Variants in SAMMSON observed in about 807,000 individuals in gnomAD.
SAMMSON encodes long intergenic non-protein coding RNA 1212.
chr3:70,079,518 C>G (rs2106640279), intron 4 of SAMMSON, among the ~76,000 whole-genome samples: 2 of 152,252 alleles, frequency 1.3e-5, no homozygotes, highest in East Asian at 3.9e-4. Context: ...AGTACCCATA[C>G]AACTGTTCTG....
At chr3:70,218,703 A>G (rs1375261479) in intron 4 of SAMMSON, among the ~76,000 whole-genome samples, 1 of 152,116 alleles carries the variant, frequency 6.6e-6, no homozygotes, top group Non-Finnish European at 1.5e-5. Flanking sequence ...ATGCATATTT[A>G]TGTCACTTAA....
At chr3:70,160,489 T>C (rs1334048499) in intron 4 of SAMMSON, among the ~76,000 whole-genome samples, 3 of 151,986 alleles carry the variant, frequency 2.0e-5, no homozygotes, top group Admixed American at 6.6e-5. Context: ...TGAATATCAA[T>C]TGACAATCGA....
chr3:70,239,379 A>G (rs998313982), intron 4 of SAMMSON, among the ~76,000 whole-genome samples: 1 of 152,146 alleles, frequency 6.6e-6, no homozygotes, highest in African/African-American at 2.4e-5. Context: ...TGAGTTCTCA[A>G]CGCTTCTCCA....
chr3:70,006,609 T>C (rs1175816742), intron 1 of SAMMSON, among the ~76,000 whole-genome samples: 3 of 152,184 alleles, frequency 2.0e-5, no homozygotes, highest in Admixed American at 2.0e-4. Flanking sequence ...TCAGGAGCAA[T>C]GCTCCTTGGA....
At chr3:70,328,091 C>T (rs1160002998) in intron 7 of SAMMSON, among the ~76,000 whole-genome samples, 1 of 152,122 alleles carries the variant, frequency 6.6e-6, no homozygotes, top group Non-Finnish European at 1.5e-5. Context: ...AGGGAAACTC[C>T]CCTTTATAAA....
chr3:70,246,983 G>A (rs1701713122), intron 4 of SAMMSON, among the ~76,000 whole-genome samples: 1 of 151,858 alleles, frequency 6.6e-6, no homozygotes, highest in South Asian at 2.1e-4. Flanking sequence ...CAAGGCTCAG[G>A]GCATATCATA....
At chr3:70,221,838 G>A (rs1701463146) in intron 4 of SAMMSON, among the ~76,000 whole-genome samples, 1 of 152,044 alleles carries the variant, frequency 6.6e-6, no homozygotes, top group African/African-American at 2.4e-5. Flanking sequence ...TTTTGGCTGG[G>A]GCAAAAGTAA....
chr3:70,166,679 T>C (rs1384608169), intron 4 of SAMMSON, among the ~76,000 whole-genome samples: 1 of 151,998 alleles, frequency 6.6e-6, no homozygotes. Flanking sequence ...CCCACAGGCC[T>C]ATTTGGTTTT....
chr3:70,381,541 C>T (rs1199679694), intron 9 of SAMMSON, among the ~76,000 whole-genome samples: 3 of 152,138 alleles, frequency 2.0e-5, no homozygotes, highest in African/African-American at 7.2e-5. Flanking sequence ...GATAAACTGT[C>T]ATATTAATAA....
At chr3:70,339,846 C>T (rs1413082650) in intron 7 of SAMMSON, among the ~76,000 whole-genome samples, 1 of 152,134 alleles carries the variant, frequency 6.6e-6, no homozygotes, top group Non-Finnish European at 1.5e-5. Flanking sequence ...GACAGTGTGG[C>T]AATTCTTCAA....
intron 7 of SAMMSON, among the ~76,000 whole-genome samples, chr3:70,353,674 A>G (rs1702810319): frequency 6.6e-6 from 1 of 152,210 alleles, no homozygotes; most frequent in African/African-American, 2.4e-5. Context: ...TAGTTTCCTT[A>G]AAAACAAAAT....
Position 70,337,589 on chromosome 3 carries a change from G to A in SAMMSON, n.740-16586G>A, listed in dbSNP as rs1319080011. Among the ~76,000 whole-genome samples the A allele has an allele frequency of 2.0e-5, 3 of 151,838 alleles. No individual in the cohort carries two copies. The East Asian group carries it at 5.8e-4, about 29-fold the overall frequency. ...AGATATTTTGCAATCTTTATTTAGGGAGATCTTGCATCACTTGGCATAATC... is the reference window on the plus strand; with the variant it reads ...AGATATTTTGCAATCTTTATTTAGGAAGATCTTGCATCACTTGGCATAATC... On this transcript the variant is annotated intron_variant and non_coding_transcript_variant, in intron 7 of 9. Coordinates refer to ENST00000642114, the Ensembl canonical transcript of SAMMSON.
chr3:70,208,160 C>T (rs188977782), intron 4 of SAMMSON, among the ~76,000 whole-genome samples: 33 of 152,168 alleles, frequency 2.2e-4, no homozygotes, highest in African/African-American at 7.7e-4. Context: ...AACTTAAAAC[C>T]TGAACAAGCA....
chr3:70,108,440 T>TTTTTTTTTTTTTA (rs1559792606), intron 4 of SAMMSON, among the ~76,000 whole-genome samples: 1 of 148,492 alleles, frequency 6.7e-6, no homozygotes, highest in African/African-American at 2.5e-5. Context: ...TTTTTTTTTT[T>TTTTTTTTTTTTTA]TATCATAACT....
intron 4 of SAMMSON, among the ~76,000 whole-genome samples, chr3:70,133,803 TACTC>T (rs1198231229): frequency 2.0e-5 from 3 of 152,164 alleles, no homozygotes; most frequent in African/African-American, 7.2e-5. Context: ...GTTTTTTCCT[TACTC>T]AGTCATAAAT....
chr3:70,156,828 T>A (rs940944094), intron 4 of SAMMSON, among the ~76,000 whole-genome samples: 1 of 152,092 alleles, frequency 6.6e-6, no homozygotes, highest in African/African-American at 2.4e-5. Flanking sequence ...AATTCTAAGT[T>A]GTTGCTAATA....
chr3:70,421,715 A>G (rs1701314899), intron 2 of SAMMSON, among the ~76,000 whole-genome samples: 1 of 152,152 alleles, frequency 6.6e-6, no homozygotes, highest in African/African-American at 2.4e-5. Flanking sequence ...CTGATAGAAT[A>G]TTGAAAATTA....
At chr3:70,206,697 G>A (rs535770308) in intron 4 of SAMMSON, 11 of 397,806 alleles carry the variant, frequency 2.8e-5, no homozygotes, top group African/African-American at 1.8e-4. Flanking sequence ...TTCCTTGGCT[G>A]GTCCATCTGT....
chr3:70,392,366 G>T (rs1041105369), downstream of SAMMSON, among the ~76,000 whole-genome samples: 54 of 152,274 alleles, frequency 3.5e-4, no homozygotes, highest in African/African-American at 1.3e-3. Flanking sequence ...CACATAGGAA[G>T]TTGCAGAAGG....
Sources: gnomAD v4.1 joint callset for allele counts (sites outside exome capture counted in the v4.1 genomes callset) on GRCh38, gnomAD v4.1.1 for gene constraint, MANE v1.5 for transcripts, NCBI Gene and HGNC (gene_info 2026-07-23, HGNC 2026-07-21) for gene names.